The following GRIN2B variants were observed in gnomAD, a reference collection of about 807,000 sequenced individuals.
The protein encoded by GRIN2B is glutamate receptor ionotropic, NMDA 2B.
GRIN2B carries 5 observed loss-of-function variants against 114.5 expected under a neutral mutation model. The ratio of observed to expected loss-of-function variants is 0.04; its 90% CI spans 0.02 to 0.09. The LOEUF (loss-of-function observed/expected upper bound fraction) is 0.09, where lower values mean the gene tolerates loss of function less well. Among genes scored for constraint, GRIN2B ranks in the 10% least tolerant of loss-of-function variants. The probability of loss-of-function intolerance (pLI) is 1.00; values close to 1 mark genes in which losing one functional copy is unlikely to be tolerated. For synonymous variants in GRIN2B, 787 were observed against 745.1 expected (o/e 1.06, Z -0.92); for missense variants, 1,108 against 1,943.5 (o/e 0.57, Z 8.08).
chr12:13,715,772 T>C (rs1440334029), intron 4 of GRIN2B, among the ~76,000 whole-genome samples: 1 of 151,920 alleles, frequency 6.6e-6, no homozygotes, highest in Non-Finnish European at 1.5e-5. Context: ...CTGCAAAATA[T>C]AACCCCTTGA....
At chr12:13,686,840 A>C (rs904318187) in intron 4 of GRIN2B, among the ~76,000 whole-genome samples, 1 of 152,094 alleles carries the variant, frequency 6.6e-6, no homozygotes, top group African/African-American at 2.4e-5. Context: ...TCCAAACCTC[A>C]TGTTGAAATT....
chr12:13,831,992 T>C (rs1865156551), intron 3 of GRIN2B, among the ~76,000 whole-genome samples: 1 of 152,198 alleles, frequency 6.6e-6, no homozygotes, highest in Non-Finnish European at 1.5e-5. Flanking sequence ...TTTTCTTTCT[T>C]CCCCTGGTGG....
chr12:13,569,695 G>T (rs1043625614), intron 12 of GRIN2B, 135 bp downstream of exon 12: 13 of 617,760 alleles, frequency 2.1e-5, no homozygotes, highest in Non-Finnish European at 3.6e-5. Flanking sequence ...ATATATACCC[G>T]AAAACTACAC....
At chr12:13,979,530 A>G (rs1341809226) in intron 2 of GRIN2B, among the ~76,000 whole-genome samples, 15 of 116,832 alleles carry the variant, frequency 1.3e-4, no homozygotes, top group African/African-American at 5.6e-4. Flanking sequence ...GCCAACCTGA[A>G]AAAAAAAAAA....
intron 2 of GRIN2B, among the ~76,000 whole-genome samples, chr12:13,918,415 A>T (rs146709137): frequency 0.01 from 1,532 of 152,298 alleles, 19 homozygotes; most frequent in South Asian, 0.035. Flanking sequence ...AAAAAAAGAA[A>T]AGGATACGGA....
At chr12:13,921,824 A>T (rs1866829439) in intron 2 of GRIN2B, among the ~76,000 whole-genome samples, 1 of 152,174 alleles carries the variant, frequency 6.6e-6, no homozygotes, top group Non-Finnish European at 1.5e-5. Flanking sequence ...CCTGGCCCAC[A>T]GTAGGCATGC....
intron 10 of GRIN2B, among the ~76,000 whole-genome samples, chr12:13,581,077 T>C (rs909840014): frequency 2.0e-5 from 3 of 152,230 alleles, no homozygotes; most frequent in African/African-American, 7.2e-5. Flanking sequence ...GAAGGACATT[T>C]GAGTTACTTT....
intron 2 of GRIN2B, among the ~76,000 whole-genome samples, chr12:13,872,622 T>C (rs77125962): frequency 0.044 from 6,692 of 152,254 alleles, 209 homozygotes; most frequent in Admixed American, 0.07. Context: ...GATATTTACA[T>C]GAATATCTCA....
chr12:13,675,719 C>G, intron 5 of GRIN2B, 26 bp downstream of exon 5: 2 of 1,365,866 alleles, frequency 1.5e-6, no homozygotes, highest in Non-Finnish European at 2.1e-6. Context: ...CTACTTTGCT[C>G]AAGAATTGTC....
chr12:13,766,042 T>C (rs1428799356), intron 3 of GRIN2B, among the ~76,000 whole-genome samples: 2 of 152,216 alleles, frequency 1.3e-5, no homozygotes, highest in Non-Finnish European at 2.9e-5. Flanking sequence ...ATCTATCCAC[T>C]GGCACTGCTA....
chr12:13,547,355 T>C lies in GRIN2B; in HGVS notation c.*15428A>G, dbSNP rs1241125086. 1 of 152,148 alleles carries C rather than the reference T, an allele frequency of 6.6e-6. No homozygotes were observed. Among genetic ancestry groups the C allele is most frequent in the Non-Finnish European group, 1.5e-5 (1 of 68,034 alleles). 9.4% of individuals were successfully genotyped at this position (152,148 alleles called of 1,614,324 possible). On this transcript the variant is annotated 3_prime_UTR_variant, in exon 14 of 14. Transcript: ENST00000609686. ...TTTTGTGAAGCACCAACCACTGAAG[T>C]TCATTTTGGAATCATGGCCACCCAG...
At chr12:13,736,220 G>T (rs1316838954) in intron 4 of GRIN2B, among the ~76,000 whole-genome samples, 1 of 150,144 alleles carries the variant, frequency 6.7e-6, no homozygotes, top group Non-Finnish European at 1.5e-5. Context: ...CTCCAGGACA[G>T]CATATGGCAT....
intron 3 of GRIN2B, among the ~76,000 whole-genome samples, chr12:13,854,685 G>A (rs1001239590): frequency 6.6e-6 from 1 of 152,068 alleles, no homozygotes; most frequent in East Asian, 1.9e-4. Context: ...CAGGCCTGGA[G>A]TGAACTAGAA....
At chr12:13,799,703 G>C (rs774754976) in intron 3 of GRIN2B, among the ~76,000 whole-genome samples, 4 of 152,088 alleles carry the variant, frequency 2.6e-5, no homozygotes, top group African/African-American at 7.2e-5. Flanking sequence ...AGGAGAGAGG[G>C]GGGGAAAGGA....
At chr12:13,765,431 T>C (rs1004489709) in intron 3 of GRIN2B, among the ~76,000 whole-genome samples, 1 of 152,254 alleles carries the variant, frequency 6.6e-6, no homozygotes. Flanking sequence ...ACGTCCATCG[T>C]GCTGCAGATT....
chr12:13,715,807 T>C (rs906049421), intron 4 of GRIN2B, among the ~76,000 whole-genome samples: 7 of 151,938 alleles, frequency 4.6e-5, no homozygotes, highest in Non-Finnish European at 5.9e-5. Context: ...AAACTAGTCA[T>C]GATGATGTCA....
At chr12:13,897,616 C>A (rs1225821484) in intron 2 of GRIN2B, among the ~76,000 whole-genome samples, 1 of 152,118 alleles carries the variant, frequency 6.6e-6, no homozygotes, top group Non-Finnish European at 1.5e-5. Flanking sequence ...AGATCTCAGG[C>A]AGGACACTTA....
chr12:13,857,036 T>C (rs1462704220), intron 3 of GRIN2B, among the ~76,000 whole-genome samples: 1 of 152,200 alleles, frequency 6.6e-6, no homozygotes, highest in African/African-American at 2.4e-5. Context: ...GGGTCAACAG[T>C]ATTCAGTGCT....
intron 1 of GRIN2B, among the ~76,000 whole-genome samples, chr12:13,981,110 C>A (rs1029360938): frequency 6.6e-6 from 1 of 151,974 alleles, no homozygotes; most frequent in Non-Finnish European, 1.5e-5. Context: ...GGGATGAAAC[C>A]CCCCAAAAGA....
Sources: gnomAD v4.1 joint callset for allele counts (sites outside exome capture counted in the v4.1 genomes callset) on GRCh38, gnomAD v4.1.1 for gene constraint, MANE v1.5 for transcripts, NCBI Gene and HGNC (gene_info 2026-07-23, HGNC 2026-07-21) for gene names.